The following SFI1 variants were observed in gnomAD, a reference collection of about 807,000 sequenced individuals.
SFI1 encodes SFI1 centrin binding protein.
Under a neutral mutation model 207.5 loss-of-function variants are expected in SFI1, and 195 were observed. The ratio of observed to expected loss-of-function variants is 0.94; its 90% CI spans 0.84 to 1.06. The LOEUF is 1.06. Among genes scored for constraint, SFI1 ranks in the 50% least tolerant of loss-of-function variants. The pLI, the probability that SFI1 is intolerant of heterozygous loss-of-function variation, is 0.00. For synonymous variants in SFI1, 630 were observed against 598.9 expected (o/e 1.05, Z -0.76); for missense variants, 1,634 against 1,588.0 (o/e 1.03, Z -0.49).
intron 2 of SFI1, among the ~76,000 whole-genome samples, chr22:31,520,479 A>G (rs939832212): frequency 1.2e-4 from 19 of 152,162 alleles, no homozygotes; most frequent in Non-Finnish European, 2.4e-4. Flanking sequence ...TTGAGATATA[A>G]TTCACATACT....
intron 2 of SFI1, among the ~76,000 whole-genome samples, chr22:31,513,550 C>G (rs1174837603): frequency 2.5e-5 from 2 of 78,544 alleles, no homozygotes; most frequent in African/African-American, 1.2e-4. Flanking sequence ...AATCCCAGCA[C>G]TTTGGTTTTT....
At chr22:31,539,798 C>T (rs2059313182) in intron 4 of SFI1, among the ~76,000 whole-genome samples, 1 of 152,022 alleles carries the variant, frequency 6.6e-6, no homozygotes. Flanking sequence ...CCACTGCAAC[C>T]TCTGCCTCCT....
At chr22:31,608,271 GGGA>G (rs1266966690) in intron 22 of SFI1, among the ~76,000 whole-genome samples, 1 of 152,168 alleles carries the variant, frequency 6.6e-6, no homozygotes, top group African/African-American at 2.4e-5. Context: ...CAGGCTCTAG[GGGA>G]GGGTCCTTCC....
chr22:31,569,737 C>T (rs1380102066), intron 8 of SFI1, among the ~76,000 whole-genome samples: 1 of 152,054 alleles, frequency 6.6e-6, no homozygotes, highest in Non-Finnish European at 1.5e-5. Flanking sequence ...AGCTTGAGCC[C>T]TAGCATCTGA....
At chr22:31,526,718 G>A (rs2057956787) in intron 2 of SFI1, among the ~76,000 whole-genome samples, 1 of 152,028 alleles carries the variant, frequency 6.6e-6, no homozygotes, top group South Asian at 2.1e-4. Flanking sequence ...ACCACACCCG[G>A]CTAATTTTTG....
At chr22:31,532,715 C>G (rs1259051270) in intron 4 of SFI1, among the ~76,000 whole-genome samples, 1 of 152,122 alleles carries the variant, frequency 6.6e-6, no homozygotes, top group East Asian at 1.9e-4. Flanking sequence ...AGTGAAGCTC[C>G]TGATGTGGCT....
At chr22:31,531,404 G>A (rs1040872968) in intron 4 of SFI1, among the ~76,000 whole-genome samples, 7 of 152,116 alleles carry the variant, frequency 4.6e-5, no homozygotes, top group African/African-American at 7.2e-5. Flanking sequence ...CCTTTAGCTA[G>A]CTACTGTGGC....
intron 2 of SFI1, among the ~76,000 whole-genome samples, chr22:31,525,755 T>C (rs146922497): frequency 0.024 from 3,463 of 144,092 alleles, 122 homozygotes; most frequent in African/African-American, 0.084. Context: ...GATAGATAGA[T>C]AGATAGATAG....
At chr22:31,604,703 G>A (rs1347763876) in intron 19 of SFI1, 166 bp from the exon 20 acceptor site, 4 of 613,326 alleles carry the variant, frequency 6.5e-6, no homozygotes, top group Admixed American at 6.6e-5. Flanking sequence ...TCTCCCTGTC[G>A]TCTGGGAGGG....
intron 1 of SFI1, among the ~76,000 whole-genome samples, chr22:31,505,284 C>G (rs1301026814): frequency 6.6e-6 from 1 of 151,544 alleles, no homozygotes; most frequent in African/African-American, 2.4e-5. Context: ...ACTAAAAATA[C>G]AAAAAGTAGC....
At chr22:31,514,915 G>A (rs2056270775) in intron 2 of SFI1, among the ~76,000 whole-genome samples, 1 of 151,994 alleles carries the variant, frequency 6.6e-6, no homozygotes, top group African/African-American at 2.4e-5. Context: ...GGGACTACAG[G>A]CGTGTGCCAC....
rs201454064 is a variant in SFI1, at chr22:31,578,449, G to A, written c.1152G>A (p.Gln384=). 50 of 1,613,138 alleles carry A rather than the reference G, an allele frequency of 3.1e-5. No individual in the cohort carries two copies. In the African/African-American group the frequency reaches 6.3e-4, roughly 20 times the overall value. ...EMAEEHHRHS[Q]LYFCFRALKD... The stretch of plus-strand genomic sequence containing the variant: ...CAGAAGAGCACCACAGGCACAGCCA[G>A]CTGGTAAGAGCCCTGCATCCTGGCA... Residue 384 remains glutamine (Q), a synonymous_variant, in exon 11 of 33, where the codon CAG becomes CAA. Coordinates refer to ENST00000400288, the MANE Select transcript of SFI1 (RefSeq NM_001007467.3).
intron 1 of SFI1, among the ~76,000 whole-genome samples, chr22:31,498,693 C>G (rs766119241): frequency 6.6e-5 from 10 of 151,496 alleles, no homozygotes; most frequent in Non-Finnish European, 1.2e-4. Flanking sequence ...AAAGTTGAGT[C>G]AGGCCGCCAT....
rs779352619 is a variant in SFI1 at position 31,618,305 on chromosome 22, T to C, written c.3625-9T>C. 4.4e-6 allele frequency: 7 copies of C among 1,608,104 alleles called. No individual in the cohort carries two copies. The highest frequency in any genetic ancestry group is 4.0e-5 in the African/African-American group (3 of 74,914). ...CCTCTCAGCCCTGCCTGTCCCTCCATGGCCCCAGGTGGAAATGCAGATCCA... is the reference window on the plus strand; with the variant it reads ...CCTCTCAGCCCTGCCTGTCCCTCCACGGCCCCAGGTGGAAATGCAGATCCA... On this transcript the variant is annotated splice_polypyrimidine_tract_variant and intron_variant, in intron 32 of 32. Transcript: ENST00000400288.
At chr22:31,561,083 G>A (rs1427460602) in intron 7 of SFI1, among the ~76,000 whole-genome samples, 1 of 152,122 alleles carries the variant, frequency 6.6e-6, no homozygotes, top group African/African-American at 2.4e-5. Flanking sequence ...CTGACCGTAG[G>A]AACCATAAGT....
At chr22:31,582,254 T>TTTA in intron 12 of SFI1, among the ~76,000 whole-genome samples, 1 of 81,388 alleles carries the variant, frequency 1.2e-5, no homozygotes, top group East Asian at 4.6e-4. Context: ...TTTTTTTTTT[T>TTTA]TTTTTTTTTT....
At chr22:31,583,324 G>T (rs1206980460) in intron 12 of SFI1, among the ~76,000 whole-genome samples, 1 of 152,116 alleles carries the variant, frequency 6.6e-6, no homozygotes, top group Non-Finnish European at 1.5e-5. Flanking sequence ...TGTTGGTCAG[G>T]CTGGTCTCAA....
chr22:31,590,971 A>ATTTATTTT (rs1036065014), intron 15 of SFI1, among the ~76,000 whole-genome samples: 5 of 32,500 alleles, frequency 1.5e-4, no homozygotes, highest in African/African-American at 4.7e-4. Flanking sequence ...TTATTTATTT[A>ATTTATTTT]TTTATTTATT....
chr22:31,520,895 T>G (rs527841797), intron 2 of SFI1, among the ~76,000 whole-genome samples: 23 of 148,316 alleles, frequency 1.6e-4, no homozygotes, highest in Non-Finnish European at 3.1e-4. Context: ...TACCAGCTGC[T>G]CAGGAGTCTA....
Sources: gnomAD v4.1 joint callset for allele counts (sites outside exome capture counted in the v4.1 genomes callset) on GRCh38, gnomAD v4.1.1 for gene constraint, MANE v1.5 for transcripts, NCBI Gene and HGNC (gene_info 2026-07-23, HGNC 2026-07-21) for gene names.